MEF2C: variants seen among roughly 807,000 people sequenced by gnomAD.
The protein encoded by MEF2C is myocyte enhancer factor 2C, also known as myocyte-specific enhancer factor 2C.
MEF2C carries 6 observed loss-of-function variants against 50.5 expected under a neutral mutation model. The ratio of observed to expected loss-of-function variants is 0.12; its 90% CI spans 0.07 to 0.23. The LOEUF is 0.23. MEF2C is among the 10% of genes least tolerant of loss of function. The pLI, the probability that MEF2C is intolerant of heterozygous loss-of-function variation, is 1.00. For missense variants in MEF2C, 276 were observed against 605.0 expected, an observed-to-expected ratio of 0.46 and a Z score of 5.70; for synonymous variants, 183 against 228.0, an observed-to-expected ratio of 0.80 and a Z score of 1.78.
At chr5:88,725,768 T>C in intron 10 of MEF2C, among the ~76,000 whole-genome samples, 1 of 152,176 alleles carries the variant, frequency 6.6e-6, no homozygotes, top group East Asian at 1.9e-4. Context: ...TATCAAACTA[T>C]ATTTAACCTA....
intron 3 of MEF2C, among the ~76,000 whole-genome samples, chr5:88,762,184 G>T (rs1252064040): frequency 6.6e-6 from 1 of 152,216 alleles, no homozygotes; most frequent in African/African-American, 2.4e-5. Context: ...CTGTCTCCTG[G>T]ATGTGGGTCT....
At chr5:88,899,339 T>G (rs1835410312) in intron 1 of MEF2C, among the ~76,000 whole-genome samples, 1 of 152,180 alleles carries the variant, frequency 6.6e-6, no homozygotes, top group South Asian at 2.1e-4. Context: ...GCCCAGTCAT[T>G]GCAGACAGGA....
chr5:88,782,028 T>C, intron 3 of MEF2C: 1 of 583,150 alleles, frequency 1.7e-6, no homozygotes, highest in South Asian at 7.7e-5. Context: ...GAGGATCTTT[T>C]GATCCCAGGA....
intron 3 of MEF2C, among the ~76,000 whole-genome samples, chr5:88,782,353 C>T (rs1270975066): frequency 1.3e-5 from 2 of 151,544 alleles, no homozygotes; most frequent in Non-Finnish European, 2.9e-5. Context: ...GTGGTCCCAG[C>T]CACTTGGGAG....
intron 3 of MEF2C, among the ~76,000 whole-genome samples, chr5:88,795,419 G>A (rs1795604250): frequency 6.6e-6 from 1 of 152,126 alleles, no homozygotes; most frequent in African/African-American, 2.4e-5. Flanking sequence ...ATGAATGGGA[G>A]TTCACTCATG....
At position 88,718,135 on chromosome 5, in the gene MEF2C, G is replaced by A. The variant is rs991512189; in HGVS notation, c.*4469C>T. On this transcript the variant is annotated 3_prime_UTR_variant, in exon 11 of 11. Transcript: ENST00000504921. ...ATATTTTGAGTTGAAAACTGAGAAA[G>A]CTCATTTGTGCTTGTGGCATAAGCT... 1 of 152,182 alleles carries A rather than the reference G, an allele frequency of 6.6e-6. No individual in the cohort carries two copies. Among genetic ancestry groups the A allele is most frequent in the Admixed American group, 6.5e-5 (1 of 15,276 alleles). The allele number at this position is 152,182 out of a possible 1,614,324, so 9.4% of individuals were successfully genotyped here. A position where few individuals can be genotyped will look rare whatever the true frequency, so the allele number is the denominator to read the frequency against.
At chr5:88,745,780 A>T (rs1277305339) in intron 6 of MEF2C, among the ~76,000 whole-genome samples, 3 of 152,186 alleles carry the variant, frequency 2.0e-5, no homozygotes, top group African/African-American at 7.2e-5. Flanking sequence ...GTGCCACTGC[A>T]CTCCAACCTG....
chr5:88,819,398 C>T lies in MEF2C; in HGVS notation c.54+4337G>A, dbSNP rs535778369. 1.1e-5 allele frequency: 11 copies of T among 984,792 alleles called. No homozygotes were observed. The South Asian group carries it at 2.8e-4, about 25-fold the overall frequency. 61.0% of individuals were successfully genotyped at this position (984,792 alleles called of 1,614,324 possible). On this transcript the variant is annotated intron_variant, in intron 2 of 10. Coordinates refer to ENST00000504921, the MANE Select transcript of MEF2C (RefSeq NM_002397.5). ...ACTTAACAGGACCTTCAAAGCTTTG[C>T]GATATCTGGGTCCTGTCTAACATCC...
rs570458301 is a variant in MEF2C at position 88,833,246 on chromosome 5, AACTG to A, written c.-142-9320_-142-9317del. On this transcript the variant is annotated intron_variant, in intron 1 of 10. Transcript: ENST00000504921. ...TATAGAAAATACTTACCAGCCTTAC[AACTG>A]ACTGACTTTTAAAAATGTGTAATAA... Among the ~76,000 whole-genome samples, 276 of 152,318 alleles carry A rather than the reference AACTG, an allele frequency of 1.8e-3. 3 individuals carry two copies. The highest frequency in any genetic ancestry group is 6.3e-3 in the African/African-American group (264 of 41,588).
At chr5:88,899,271 T>G (rs1414862533) in intron 1 of MEF2C, among the ~76,000 whole-genome samples, 1 of 152,112 alleles carries the variant, frequency 6.6e-6, no homozygotes, top group Non-Finnish European at 1.5e-5. Flanking sequence ...GTGTGTCAGT[T>G]TTAATTACTT....
At chr5:88,850,377 T>C (rs1581560810) in intron 1 of MEF2C, among the ~76,000 whole-genome samples, 1 of 152,202 alleles carries the variant, frequency 6.6e-6, no homozygotes, top group East Asian at 1.9e-4. Flanking sequence ...AGGACTTCTT[T>C]TGCCCATGGT....
chr5:88,731,549 G>C, intron 7 of MEF2C, 180 bp downstream of exon 7: 1 of 581,778 alleles, frequency 1.7e-6, no homozygotes, highest in Admixed American at 2.9e-5. Flanking sequence ...ACACGGAAAA[G>C]GGAAATGCAA....
intron 1 of MEF2C, chr5:88,881,044 G>C (rs78914269): frequency 4.6e-5 from 7 of 151,856 alleles, no homozygotes; most frequent in African/African-American, 1.7e-4. Context: ...TCAAACATTC[G>C]AATGCTGTGT....
intron 4 of MEF2C, chr5:88,752,459 A>G (rs549657682): frequency 2.8e-6 from 1 of 356,158 alleles, no homozygotes; most frequent in South Asian, 1.1e-4. Flanking sequence ...TTGCTTATTG[A>G]AGCATATTTA....
At chr5:88,732,989 G>T in intron 6 of MEF2C, 1 of 789,552 alleles carries the variant, frequency 1.3e-6, no homozygotes, top group Non-Finnish European at 1.5e-6. Flanking sequence ...AGGATGCAAA[G>T]ACAAGGCCCC....
intron 3 of MEF2C, among the ~76,000 whole-genome samples, chr5:88,804,121 G>C (rs945876734): frequency 6.6e-6 from 1 of 152,218 alleles, no homozygotes; most frequent in African/African-American, 2.4e-5. Context: ...AGAATAATGA[G>C]TTACAAAGAA....
chr5:88,842,701 A>C (rs1162263178), intron 1 of MEF2C, among the ~76,000 whole-genome samples: 1 of 152,170 alleles, frequency 6.6e-6, no homozygotes, highest in African/African-American at 2.4e-5. Flanking sequence ...GCAGTAGGAA[A>C]AAGGTGAGAT....
In MEF2C at chr5:88,719,502, CACTTATGGATCTTTT is replaced by C. The variant is rs1755573855; in HGVS notation, c.*3087_*3101del. The C allele has an allele frequency of 6.6e-6, 1 of 152,154 alleles. No homozygotes were observed. Among genetic ancestry groups the C allele is most frequent in the Non-Finnish European group, 1.5e-5 (1 of 68,008 alleles). 9.4% of individuals were successfully genotyped at this position (152,154 alleles called of 1,614,324 possible). A position where few individuals can be genotyped will look rare whatever the true frequency, so the allele number is the denominator to read the frequency against. On this transcript the variant is annotated 3_prime_UTR_variant, in exon 11 of 11. Coordinates refer to ENST00000504921, the MANE Select transcript of MEF2C (RefSeq NM_002397.5). ...CAATACTCGCAGCCGTGTAAAATGCCACTTATGGATCTTTTACTTGCAATGAAGAATGTTGCCTAA... is the reference window on the plus strand; with the variant it reads ...CAATACTCGCAGCCGTGTAAAATGCCACTTGCAATGAAGAATGTTGCCTAA...
intron 3 of MEF2C, among the ~76,000 whole-genome samples, chr5:88,789,642 C>G (rs1162695084): frequency 6.6e-6 from 1 of 152,062 alleles, no homozygotes; most frequent in Non-Finnish European, 1.5e-5. Context: ...ATCTAATTAA[C>G]CTTCCAGCTA....
Sources: gnomAD v4.1 joint callset for allele counts (sites outside exome capture counted in the v4.1 genomes callset) on GRCh38, gnomAD v4.1.1 for gene constraint, MANE v1.5 for transcripts, NCBI Gene and HGNC (gene_info 2026-07-23, HGNC 2026-07-21) for gene names.